Variants in ZEB1 observed in about 807,000 individuals in gnomAD.
ZEB1 encodes zinc finger E-box-binding homeobox 1.
In ZEB1, 21 loss-of-function variants were observed where a neutral mutation model predicts 84.9. The ratio of observed to expected loss-of-function variants is 0.25; its 90% confidence interval spans 0.18 to 0.36. The LOEUF (loss-of-function observed/expected upper bound fraction) is 0.36, where lower values mean the gene tolerates loss of function less well. Among genes scored for constraint, ZEB1 ranks in the 10% least tolerant of loss-of-function variants. ZEB1 has a pLI of 1.00. For missense variants in ZEB1, 1,104 were observed against 1,330.2 expected, an observed-to-expected ratio of 0.83 and a Z score of 2.65; for synonymous variants, 420 against 471.1, an observed-to-expected ratio of 0.89 and a Z score of 1.41.
At chr10:31,346,477 G>T (rs900596604) in intron 1 of ZEB1, among the ~76,000 whole-genome samples, 2 of 152,048 alleles carry the variant, frequency 1.3e-5, no homozygotes, top group African/African-American at 4.8e-5. Context: ...TGCCCTTAAT[G>T]ATTTATTTTA....
At chr10:31,399,857 A>G (rs1324949127) in intron 1 of ZEB1, among the ~76,000 whole-genome samples, 1 of 152,142 alleles carries the variant, frequency 6.6e-6, no homozygotes, top group Non-Finnish European at 1.5e-5. Context: ...ACTTTGCTCT[A>G]GTCATCCACA....
At position 31,319,305 on chromosome 10, in the gene ZEB1, G is replaced by A. The variant is rs746611167; in HGVS notation, c.58+13G>A. 1.0e-5 allele frequency: 16 copies of A among 1,604,838 alleles called. No homozygotes were observed. The East Asian group carries it at 3.4e-4, about 34-fold the overall frequency. ...CGGCGCAATAACGGTGAGTGGCGGA[G>A]GGGACCGGGGAGCGGCGGAGTCAGG... On this transcript the variant is annotated intron_variant, in intron 1 of 8. Transcript: ENST00000424869.
intron 6 of ZEB1, among the ~76,000 whole-genome samples, chr10:31,515,148 T>C (rs1387658252): frequency 6.6e-6 from 1 of 152,008 alleles, no homozygotes; most frequent in African/African-American, 2.4e-5. Context: ...AGAGCTGATA[T>C]AGAGGCAATG....
Position 31,477,889 on chromosome 10 carries a change from A to G in ZEB1, c.259+16652A>G, listed in dbSNP as rs75937884. On this transcript the variant is annotated intron_variant, in intron 2 of 8. Transcript: ENST00000424869. ...AGATGGATTAAAGACCCATAAATGT[A>G]AGATGTGAAACTTAAAATCCTGAAA... 5.6e-3 allele frequency among the ~76,000 whole-genome samples: 849 copies of G among 152,102 alleles called. 13 individuals are homozygous for G. Among genetic ancestry groups the G allele is most frequent in the African/African-American group, 0.02 (814 of 41,544 alleles).
chr10:31,370,836 T>C (rs999057850), intron 1 of ZEB1, among the ~76,000 whole-genome samples: 11 of 152,326 alleles, frequency 7.2e-5, no homozygotes, highest in African/African-American at 2.6e-4. Context: ...TGACTGGACC[T>C]GTTTCTTTAT....
intron 1 of ZEB1, among the ~76,000 whole-genome samples, chr10:31,446,784 G>T (rs1312513825): frequency 2.0e-5 from 3 of 150,834 alleles, no homozygotes; most frequent in Non-Finnish European, 4.5e-5. Context: ...GAGATAGTTT[G>T]TTACAATTTC....
At chr10:31,330,973 A>G (rs73254135) in intron 1 of ZEB1, among the ~76,000 whole-genome samples, 2,220 of 150,964 alleles carry the variant, frequency 0.015, 62 homozygotes, top group African/African-American at 0.051. Context: ...CGTTCTGTAT[A>G]TTAATGCATA....
Position 31,501,958 on chromosome 10 carries a change from A to C in ZEB1, c.323-390A>C, listed in dbSNP as rs540560914. On this transcript the variant is annotated intron_variant, in intron 3 of 8. Transcript: ENST00000424869. ...GGCTGTCTATTGTCCAACTTTAAAT[A>C]AGTATTATGATATGATAGGTTGCTA... Among the ~76,000 whole-genome samples, 490 of 152,326 alleles carry C rather than the reference A, an allele frequency of 3.2e-3. 2 individuals are homozygous for C. Among genetic ancestry groups the C allele is most frequent in the African/African-American group, 0.011 (459 of 41,568 alleles).
chr10:31,362,783 C>T, intron 1 of ZEB1: 1 of 692,268 alleles, frequency 1.4e-6, no homozygotes, highest in Non-Finnish European at 2.6e-6. Flanking sequence ...CCGCCTGGGC[C>T]TCCCAAAGTG....
chr10:31,442,702 G>C (rs996686550), intron 1 of ZEB1, among the ~76,000 whole-genome samples: 4 of 152,054 alleles, frequency 2.6e-5, no homozygotes, highest in African/African-American at 7.2e-5. Context: ...GTGGAGGAAA[G>C]AAACGAAAAA....
chr10:31,495,894 C>A, intron 3 of ZEB1, 56 bp downstream of exon 3: 1 of 1,592,590 alleles, frequency 6.3e-7, no homozygotes, highest in South Asian at 1.1e-5. Flanking sequence ...GTCTTTGTGT[C>A]ACTGATTTCG....
At chr10:31,437,379 A>G (rs1044557568) in intron 1 of ZEB1, among the ~76,000 whole-genome samples, 1 of 152,210 alleles carries the variant, frequency 6.6e-6, no homozygotes, top group Non-Finnish European at 1.5e-5. Flanking sequence ...TATTCATTCT[A>G]ATTTGACAAC....
chr10:31,526,764 C>G lies in ZEB1; in HGVS notation c.2878C>G (p.Pro960Ala), dbSNP rs772653927. ...CATGCGATTACATTCTGGAGAAAAG[C>G]CCTATCAATGTGACAAATGTGGAAA... The part of the protein sequence containing the change: ...EHMRLHSGEK[P>A]YQCDKCGKRF... The change falls in exon 9 of 9, where the codon CCC becomes GCC. Residue 960 changes from proline (P) to alanine (A), a missense_variant. By Grantham distance (27) the Pro-to-Ala change is conservative. Around this residue, in one of 7 missense-constraint regions of ZEB1, gnomAD observed 53 missense variants for 92.5 expected, o/e 0.57. Transcript: ENST00000424869. 1 of 1,614,074 alleles carries G rather than the reference C, an allele frequency of 6.2e-7. No individual in the cohort carries two copies. Among genetic ancestry groups the G allele is most frequent in the Middle Eastern group, 1.6e-4 (1 of 6,062 alleles).
chr10:31,466,407 A>C (rs1927039), intron 2 of ZEB1, among the ~76,000 whole-genome samples: 2 of 152,164 alleles, frequency 1.3e-5, no homozygotes, highest in Non-Finnish European at 2.9e-5. Flanking sequence ...AATTATATCA[A>C]GTATGTTTTC....
At chr10:31,406,801 C>A (rs1237236539) in intron 1 of ZEB1, among the ~76,000 whole-genome samples, 1 of 152,054 alleles carries the variant, frequency 6.6e-6, no homozygotes, top group Non-Finnish European at 1.5e-5. Flanking sequence ...CCTAGTTTTT[C>A]TTCTAGAGTT....
intron 1 of ZEB1, among the ~76,000 whole-genome samples, chr10:31,402,065 TC>T (rs1012494075): frequency 6.6e-6 from 1 of 152,050 alleles, no homozygotes; most frequent in Non-Finnish European, 1.5e-5. Context: ...AGTTTCAACT[TC>T]CAGAAGGCAA....
chr10:31,450,788 A>G (rs1280891724), intron 1 of ZEB1, among the ~76,000 whole-genome samples: 5 of 151,996 alleles, frequency 3.3e-5, no homozygotes, highest in Admixed American at 2.6e-4. Flanking sequence ...AAGCACATAT[A>G]TTTTCTAATA....
chr10:31,338,112 A>G (rs1248728995), intron 1 of ZEB1, among the ~76,000 whole-genome samples: 1 of 152,110 alleles, frequency 6.6e-6, no homozygotes, highest in Admixed American at 6.5e-5. Flanking sequence ...CTACCTTTAC[A>G]TATTTTCTGT....
chr10:31,508,799 T>C (rs1308268522), intron 4 of ZEB1, among the ~76,000 whole-genome samples: 1 of 151,888 alleles, frequency 6.6e-6, no homozygotes, highest in African/African-American at 2.4e-5. Context: ...GCAGCAGCCA[T>C]AGGGAGGGAG....
Sources: allele counts gnomAD v4.1 joint callset (sites outside exome capture counted in the v4.1 genomes callset), GRCh38; gene constraint gnomAD v4.1.1; regional missense constraint gnomAD v4.1.1; transcripts MANE v1.5; gene names NCBI Gene and HGNC (gene_info 2026-07-23, HGNC 2026-07-21).